PLB1: variants seen among roughly 807,000 people sequenced by gnomAD.
PLB1 encodes phospholipase B1, membrane-associated.
PLB1 carries 242 observed loss-of-function variants against 227.4 expected under a neutral mutation model. That is an observed-to-expected ratio of 1.06 (90% CI 0.96 to 1.18). The LOEUF (loss-of-function observed/expected upper bound fraction) is 1.18, where lower values mean the gene tolerates loss of function less well. Ranked by LOEUF, PLB1 falls within the 50% of genes most tolerant of loss-of-function variation. The pLI is 0.00. For synonymous variants in PLB1, 757 were observed against 682.2 expected, an observed-to-expected ratio of 1.11 and a Z score of -1.71; for missense variants, 1,858 against 1,816.3, an observed-to-expected ratio of 1.02 and a Z score of -0.42.
chr2:28,522,266 G>A (rs1163039601), intron 4 of PLB1, among the ~76,000 whole-genome samples: 1 of 152,036 alleles, frequency 6.6e-6, no homozygotes, highest in Non-Finnish European at 1.5e-5. Flanking sequence ...AGATGGTGGT[G>A]TGTAGAGGTA....
chr2:28,523,241 ACATTCT>A (rs1572732852), intron 4 of PLB1, among the ~76,000 whole-genome samples: 1 of 151,870 alleles, frequency 6.6e-6, no homozygotes, highest in East Asian at 1.9e-4. Context: ...ACACATATAT[ACATTCT>A]CATTCTCCAA....
At chr2:28,570,654 C>T (rs866980637) in intron 20 of PLB1, among the ~76,000 whole-genome samples, 1 of 152,046 alleles carries the variant, frequency 6.6e-6, no homozygotes, top group Non-Finnish European at 1.5e-5. Context: ...GGTGTGGTGG[C>T]GGGTGCCTGT....
At chr2:28,548,727 G>T in intron 14 of PLB1, 133 bp from the exon 15 acceptor site, 1 of 810,416 alleles carries the variant, frequency 1.2e-6, no homozygotes, top group South Asian at 1.6e-5. Flanking sequence ...GTTTGGGGAT[G>T]GGGGCTGGAC....
Position 28,524,483 on chromosome 2 carries a change from C to T in PLB1, c.244-784C>T, listed in dbSNP as rs182255535. On this transcript the variant is annotated intron_variant, in intron 4 of 57. Coordinates refer to ENST00000327757, the MANE Select transcript of PLB1 (RefSeq NM_153021.5). ...GGGGAAATCGGAAACTTACCTTGTT[C>T]GTTCCAAAAATATGGATTCAACATA... Among the ~76,000 whole-genome samples the T allele has an allele frequency of 2.6e-5, 4 of 152,176 alleles. No individual in the cohort carries two copies. In the East Asian group the frequency reaches 7.7e-4, roughly 29 times the overall value.
At chr2:28,637,438 G>A (rs1488962694) in intron 56 of PLB1, among the ~76,000 whole-genome samples, 1 of 151,880 alleles carries the variant, frequency 6.6e-6, no homozygotes, top group Non-Finnish European at 1.5e-5. Context: ...TTATTTTAAT[G>A]TGCAGGGTTT....
rs1371675051 is a variant in PLB1 at position 28,642,932 on chromosome 2, C to A, written c.4248C>A (p.Leu1416=). The A allele has an allele frequency of 6.2e-7, 1 of 1,608,950 alleles. No homozygotes were observed. Among genetic ancestry groups the A allele is most frequent in the Non-Finnish European group, 8.5e-7 (1 of 1,177,812 alleles). ...PDQAEEAPEV[L]YWAVPVAAGV... ...AGGCTGAAGAAGCCCCCGAGGTGCT[C>A]TACTGGGCTGTCCCAGTGGCAGCGG... The change falls in exon 58 of 58, where the codon CTC becomes CTA. Residue 1416 remains leucine, a synonymous_variant. Transcript: ENST00000327757.
chr2:28,611,594 TCTC>T (rs1478775127), intron 43 of PLB1, among the ~76,000 whole-genome samples: 3 of 152,186 alleles, frequency 2.0e-5, no homozygotes, highest in Non-Finnish European at 4.4e-5. Flanking sequence ...AGTTTCTCTC[TCTC>T]CTCCTCTCAT....
intron 14 of PLB1, among the ~76,000 whole-genome samples, chr2:28,547,218 A>AAAAAAAAAAAAAAG (rs1673423700): frequency 2.2e-5 from 2 of 90,828 alleles, no homozygotes; most frequent in Non-Finnish European, 4.5e-5. Context: ...AAAAAAAAAG[A>AAAAAAAAAAAAAAG]AAAAAAAAAA....
At chr2:28,642,546 T>C (rs904949549) in intron 57 of PLB1, among the ~76,000 whole-genome samples, 5 of 152,230 alleles carry the variant, frequency 3.3e-5, no homozygotes, top group African/African-American at 1.2e-4. Flanking sequence ...GTGGGAGTTC[T>C]ACAGGCCCCA....
At chr2:28,601,770 C>A in intron 37 of PLB1, 129 bp from the exon 38 acceptor site, 1 of 775,484 alleles carries the variant, frequency 1.3e-6, no homozygotes, top group Non-Finnish European at 2.2e-6. Flanking sequence ...ACATGGTGAG[C>A]TGGCCACAGC....
chr2:28,586,351 A>C (rs1471358479), intron 26 of PLB1, among the ~76,000 whole-genome samples: 1 of 152,204 alleles, frequency 6.6e-6, no homozygotes, highest in Non-Finnish European at 1.5e-5. Flanking sequence ...GGGAGAGCAC[A>C]AGGAGAAAGA....
chr2:28,575,931 G>C (rs1422037327), intron 21 of PLB1, among the ~76,000 whole-genome samples: 1 of 152,164 alleles, frequency 6.6e-6, no homozygotes, highest in Non-Finnish European at 1.5e-5. Context: ...CAGGTTTACT[G>C]CTTTAATAGT....
At position 28,639,120 on chromosome 2, in the gene PLB1, T is replaced by C. The variant is rs117065612; in HGVS notation, c.4099-1807T>C. Among the ~76,000 whole-genome samples the C allele has an allele frequency of 1.1e-3, 167 of 148,648 alleles. 1 individual carries two copies. The East Asian group carries it at 0.025, about 22-fold the overall frequency. On this transcript the variant is annotated intron_variant, in intron 56 of 57. Coordinates refer to ENST00000327757, the MANE Select transcript of PLB1 (RefSeq NM_153021.5). ...CAACTAAGAGCTCCTAGAGAAAGAA[T>C]AGGTAGGTAGAAAAGAGTGTAAGGC...
chr2:28,618,689 C>T (rs899844680), intron 46 of PLB1, among the ~76,000 whole-genome samples: 2 of 152,210 alleles, frequency 1.3e-5, no homozygotes, highest in Non-Finnish European at 2.9e-5. Flanking sequence ...TGTGTGATGG[C>T]ACTCATTCAA....
intron 4 of PLB1, 51 bp downstream of exon 4, chr2:28,519,814 T>C: frequency 6.9e-7 from 1 of 1,458,092 alleles, no homozygotes; most frequent in East Asian, 2.3e-5. Flanking sequence ...GTACTGATGA[T>C]CCTCTGAATG....
At chr2:28,637,848 G>A (rs1689548047) in intron 56 of PLB1, among the ~76,000 whole-genome samples, 1 of 152,144 alleles carries the variant, frequency 6.6e-6, no homozygotes, top group Non-Finnish European at 1.5e-5. Context: ...ACAGGCCAGT[G>A]GCCCACCCAG....
Position 28,496,065 on chromosome 2 carries a change from T to G in PLB1, c.-50T>G. On this transcript the variant is annotated 5_prime_UTR_variant, in exon 1 of 58. Transcript: ENST00000327757. ...AGGAGGAGGTGTGATAGCCCATCCATCTGCTGGAGCAGCTCTTCCAGAGGC... is the reference window on the plus strand; with the variant it reads ...AGGAGGAGGTGTGATAGCCCATCCAGCTGCTGGAGCAGCTCTTCCAGAGGC... 1.3e-6 allele frequency: 2 copies of G among 1,568,774 alleles called. No homozygotes were observed. The highest frequency in any genetic ancestry group is 1.8e-6 in the Non-Finnish European group (2 of 1,139,312).
In PLB1 at chr2:28,551,126, C is replaced by A. The variant is rs535418199; in HGVS notation, c.1083+1042C>A. 3.3e-5 allele frequency among the ~76,000 whole-genome samples: 5 copies of A among 152,354 alleles called. No individual in the cohort carries two copies. In the East Asian group the frequency reaches 9.6e-4, roughly 29 times the overall value. ...CTTCTGACCCTTCCCAAATCTCTGACAAATTCTTCTAAAATCATCTGAGAA... is the reference window on the plus strand; with the variant it reads ...CTTCTGACCCTTCCCAAATCTCTGAAAAATTCTTCTAAAATCATCTGAGAA... On this transcript the variant is annotated intron_variant, in intron 16 of 57. Coordinates refer to ENST00000327757, the MANE Select transcript of PLB1 (RefSeq NM_153021.5).
At chr2:28,582,941 C>T (rs1390625542) in intron 25 of PLB1, among the ~76,000 whole-genome samples, 1 of 152,086 alleles carries the variant, frequency 6.6e-6, no homozygotes, top group Non-Finnish European at 1.5e-5. Context: ...TATGGGTGTT[C>T]CATGTAAAGC....
Sources: allele counts gnomAD v4.1 joint callset (sites outside exome capture counted in the v4.1 genomes callset), GRCh38; gene constraint gnomAD v4.1.1; transcripts MANE v1.5; gene names NCBI Gene and HGNC (gene_info 2026-07-23, HGNC 2026-07-21).